Variants in INTS7 observed in about 807,000 individuals in gnomAD.
INTS7 encodes the protein integrator complex subunit 7, also known as chromosome 1 open reading frame 73.
Under a neutral mutation model 109.2 loss-of-function variants are expected in INTS7, and 46 were observed. The observed-to-expected ratio is 0.42, with a 90% CI of 0.33 to 0.54. The LOEUF is 0.54. INTS7 is among the 20% of genes least tolerant of loss of function. The pLI is 0.07. For synonymous variants in INTS7, 412 were observed against 402.9 expected (o/e 1.02, Z -0.27); for missense variants, 929 against 1,132.4 (o/e 0.82, Z 2.58).
At chr1:212,009,919 G>A (rs1383285207) in intron 5 of INTS7, among the ~76,000 whole-genome samples, 2 of 152,186 alleles carry the variant, frequency 1.3e-5, no homozygotes, top group African/African-American at 4.8e-5. Flanking sequence ...GTCTTTAAGT[G>A]ATTTTTATTA....
intron 16 of INTS7, among the ~76,000 whole-genome samples, chr1:211,960,005 G>A (rs1663545433): frequency 6.6e-6 from 1 of 152,210 alleles, no homozygotes; most frequent in Non-Finnish European, 1.5e-5. Flanking sequence ...TGCAACTGAG[G>A]ATGGATCCTG....
rs371473657 is a variant in INTS7, at chr1:211,967,103, T to G, written c.2115-605A>C. On this transcript the variant is annotated intron_variant, in intron 15 of 19. Transcript: ENST00000366994. Reference sequence around the variant, plus strand: ...TACAACTTAAAAAAAGAATTTCTATTCCTTCCTTTCAAAAGTGATTTGAAG... The same window carrying G: ...TACAACTTAAAAAAAGAATTTCTATGCCTTCCTTTCAAAAGTGATTTGAAG... Among the ~76,000 whole-genome samples, 6 of 152,142 alleles carry G rather than the reference T, an allele frequency of 3.9e-5. No homozygotes were observed. In the East Asian group the frequency reaches 9.6e-4, roughly 24 times the overall value.
In INTS7 at chr1:211,978,537, A is replaced by C. The variant is rs769936174; in HGVS notation, c.1231-26T>G. 5.0e-6 allele frequency: 8 copies of C among 1,612,996 alleles called. No homozygotes were observed. The Admixed American group carries it at 1.0e-4, about 20-fold the overall frequency. On this transcript the variant is annotated intron_variant, in intron 10 of 19. Coordinates refer to ENST00000366994, the MANE Select transcript of INTS7 (RefSeq NM_015434.4). ...CTGCACGCCAAAAAGAAAATGAACT[A>C]GTTACATTTTGAAGATACAGATGAA...
rs112252484 is a variant in INTS7, at chr1:211,996,448, T to A, written c.880-8445A>T. On this transcript the variant is annotated intron_variant, in intron 7 of 19. Coordinates refer to ENST00000366994, the MANE Select transcript of INTS7 (RefSeq NM_015434.4). The stretch of plus-strand genomic sequence containing the variant: ...AAAACAAAGCAAAACAAAAAAAAAA[T>A]GTCTTCTTTTCAAACCCCTGAACTG... Among the ~76,000 whole-genome samples the A allele has an allele frequency of 1.1e-4, 17 of 151,382 alleles. 1 individual carries two copies. Among genetic ancestry groups the A allele is most frequent in the African/African-American group, 4.1e-4 (17 of 41,260 alleles).
chr1:212,010,123 C>T (rs977103610), intron 5 of INTS7, among the ~76,000 whole-genome samples: 1 of 152,206 alleles, frequency 6.6e-6, no homozygotes, highest in African/African-American at 2.4e-5. Context: ...TTTAGTGTGG[C>T]TCTATTTCCT....
chr1:211,978,102 T>C (rs557579710), intron 11 of INTS7, among the ~76,000 whole-genome samples, 170 bp downstream of exon 11: 5 of 152,170 alleles, frequency 3.3e-5, no homozygotes, highest in Non-Finnish European at 5.9e-5. Context: ...AAAAAGCTCA[T>C]AAAGCCAATT....
chr1:211,992,768 T>C (rs184251988), intron 7 of INTS7, among the ~76,000 whole-genome samples: 6 of 152,264 alleles, frequency 3.9e-5, no homozygotes, highest in Admixed American at 3.9e-4. Context: ...AATCATGAAG[T>C]TCCCCAGAAA....
intron 4 of INTS7, among the ~76,000 whole-genome samples, chr1:212,011,829 C>T (rs962939066): frequency 6.6e-6 from 1 of 152,160 alleles, no homozygotes; most frequent in Non-Finnish European, 1.5e-5. Flanking sequence ...ATAAAGACTT[C>T]TCATAACAAC....
intron 8 of INTS7, among the ~76,000 whole-genome samples, chr1:211,983,266 T>C (rs1214024984): frequency 6.6e-6 from 1 of 152,138 alleles, no homozygotes; most frequent in Non-Finnish European, 1.5e-5. Flanking sequence ...GAATTCGTGA[T>C]TGTAGAGCTG....
chr1:211,940,460 C>A lies in INTS7; in HGVS notation c.*1364G>T, dbSNP rs763084798. The A allele has an allele frequency of 3.3e-5, 5 of 152,150 alleles. No individual in the cohort carries two copies. Among genetic ancestry groups the A allele is most frequent in the South Asian group, 2.1e-4 (1 of 4,826 alleles). The allele number at this position is 152,150 out of a possible 1,614,324, so 9.4% of individuals were successfully genotyped here. On this transcript the variant is annotated 3_prime_UTR_variant, in exon 20 of 20. Transcript: ENST00000366994. ...ATTCCAGGGAAAGTACCCTGCTTTA[C>A]CTTAGGAGCTGCATCCGGCCAAATT...
At chr1:211,945,648 C>T (rs1427505817) in intron 18 of INTS7, among the ~76,000 whole-genome samples, 1 of 152,168 alleles carries the variant, frequency 6.6e-6, no homozygotes, top group African/African-American at 2.4e-5. Flanking sequence ...CCTCATTATT[C>T]CAGTCATTTT....
chr1:212,008,659 A>G (rs543370534), intron 5 of INTS7, among the ~76,000 whole-genome samples: 5 of 152,140 alleles, frequency 3.3e-5, no homozygotes, highest in Non-Finnish European at 5.9e-5. Context: ...TCTCAGAAGC[A>G]TTTTGTATTA....
rs571207556 is a variant in INTS7 at position 211,987,650 on chromosome 1, C to CA, written c.997+235dup. ...AAAATATTTTCACCCACATATAATT[C>CA]AAAAAAAAAAGGACAAACCTAGAAA... On this transcript the variant is annotated intron_variant, in intron 8 of 19. Transcript: ENST00000366994. Among the ~76,000 whole-genome samples the CA allele has an allele frequency of 2.5e-3, 366 of 144,104 alleles. 1 individual carries two copies. The highest frequency in any genetic ancestry group is 4.1e-3 in the Admixed American group (60 of 14,484). The allele number at this position is 144,104 out of a possible 152,430, so 94.5% of individuals were successfully genotyped here. A position where few individuals can be genotyped will look rare whatever the true frequency, so the allele number is the denominator to read the frequency against.
At chr1:211,981,238 A>C (rs191140457) in intron 9 of INTS7, 48 bp from the exon 10 acceptor site, 5 of 1,140,912 alleles carry the variant, frequency 4.4e-6, no homozygotes, top group Non-Finnish European at 5.3e-6. Context: ...ATGTGTGTAC[A>C]AACACACACA....
intron 11 of INTS7, among the ~76,000 whole-genome samples, chr1:211,977,973 TA>T (rs112390223): frequency 2.0e-5 from 3 of 151,238 alleles, no homozygotes; most frequent in South Asian, 2.1e-4. Context: ...TCCTTTGCAA[TA>T]AAAAAAAACA....
chr1:211,957,065 C>T (rs1205732969), intron 16 of INTS7, among the ~76,000 whole-genome samples: 1 of 152,176 alleles, frequency 6.6e-6, no homozygotes, highest in Non-Finnish European at 1.5e-5. Flanking sequence ...AATTCAAGCT[C>T]CTCCACATCT....
At chr1:211,950,561 T>C (rs556925375) in intron 17 of INTS7, among the ~76,000 whole-genome samples, 2 of 152,340 alleles carry the variant, frequency 1.3e-5, no homozygotes, top group East Asian at 3.9e-4. Flanking sequence ...CATGAGCCAC[T>C]GCGCCCGACC....
chr1:212,007,387 C>T lies in INTS7; in HGVS notation c.619G>A (p.Asp207Asn), dbSNP rs200020418. ...LIPILQHMHH[D>N]AILASSARQL... The stretch of plus-strand genomic sequence containing the variant: ...CGAGCACTGGAAGCCAAGATTGCAT[C>T]ATGGTGCATGTGCTGTAGAATGGGT... The change falls in exon 6 of 20, where the codon GAT (aspartate) becomes AAT (asparagine). Residue 207 changes from aspartate to asparagine, a missense_variant. Asp to Asn is a conservative substitution (Grantham distance 23). Coordinates refer to ENST00000366994, the MANE Select transcript of INTS7 (RefSeq NM_015434.4). 6.2e-7 allele frequency: 1 copy of T among 1,614,014 alleles called. No homozygotes were observed.
At chr1:211,965,863 T>C (rs1457933953) in intron 16 of INTS7, among the ~76,000 whole-genome samples, 1 of 152,116 alleles carries the variant, frequency 6.6e-6, no homozygotes, top group Non-Finnish European at 1.5e-5. Context: ...ATCTGGTCAA[T>C]GAAATCATTT....
Sources: gnomAD v4.1 joint callset for allele counts (sites outside exome capture counted in the v4.1 genomes callset) on GRCh38, gnomAD v4.1.1 for gene constraint, MANE v1.5 for transcripts, NCBI Gene and HGNC (gene_info 2026-07-23, HGNC 2026-07-21) for gene names.